INSRR: variants seen among roughly 807,000 people sequenced by gnomAD.
INSRR encodes insulin receptor related receptor.
In INSRR, 114 loss-of-function variants were observed where a neutral mutation model predicts 130.0. The ratio of observed to expected loss-of-function variants is 0.88; its 90% CI spans 0.75 to 1.02. INSRR has a LOEUF of 1.02. Among genes scored for constraint, INSRR ranks in the 50% least tolerant of loss-of-function variants. The probability of loss-of-function intolerance (pLI) is 0.00; values close to 1 mark genes in which losing one functional copy is unlikely to be tolerated. For synonymous variants in INSRR, 674 were observed against 705.2 expected (o/e 0.96, Z 0.70); for missense variants, 1,657 against 1,735.2 (o/e 0.95, Z 0.80).
In INSRR at chr1:156,844,948, G is replaced by A. The variant is rs371342485; in HGVS notation, c.2438-105C>T. The A allele has an allele frequency of 6.4e-6, 10 of 1,563,508 alleles. No homozygotes were observed. In the East Asian group the frequency reaches 1.8e-4, roughly 28 times the overall value. On this transcript the variant is annotated intron_variant, in intron 12 of 21. Transcript: ENST00000368195. Reference sequence around the variant, plus strand: ...AGCTGGGAGGTGGGGAAAGCTTTGGGATTATGGGAACTGAGAGGGGCAAGC... The same window carrying A: ...AGCTGGGAGGTGGGGAAAGCTTTGGAATTATGGGAACTGAGAGGGGCAAGC...
At position 156,852,081 on chromosome 1, in the gene INSRR, G is replaced by T; in HGVS notation, c.748C>A (p.Arg250Ser). The T allele has an allele frequency of 1.2e-6, 2 of 1,613,686 alleles. No homozygotes were observed. Among genetic ancestry groups the T allele is most frequent in the Non-Finnish European group, 8.5e-7 (1 of 1,179,990 alleles). Residue 250 changes from arginine (R) to serine (S), a missense_variant, in exon 3 of 22, where the codon CGC (arginine) becomes AGC (serine). Transcript: ENST00000368195. ...CAGGCACCCTGGAAGTAGAGGTGGC[G>T]GCAAGCTACACAGGCACGAGGGTCT... ...PEDPRACVAC[R>S]HLYFQGACLW...
chr1:156,858,419 C>G, intron 1 of INSRR, 118 bp downstream of exon 1: 1 of 782,712 alleles, frequency 1.3e-6, no homozygotes, highest in Non-Finnish European at 2.3e-6. Flanking sequence ...GCGCTAACCC[C>G]AACCCCCATG....
rs1654833976 is a variant in INSRR at position 156,842,409 on chromosome 1, G to T, written c.3226C>A (p.Pro1076Thr). Residue 1076 changes from proline (P) to threonine (T), a missense_variant, in exon 18 of 22, where the codon CCT becomes ACT. Coordinates refer to ENST00000368195, the MANE Select transcript of INSRR (RefSeq NM_014215.3). ...TTCCTGGTCCCTACCTCTGCCTCAG[G>T]CCGCAAAGATCGAAGATGGCTCTTG... ...DLKSHLRSLRPEAENNPGLPQ... is the reference protein window; with the variant it reads ...DLKSHLRSLRTEAENNPGLPQ... 3 of 1,613,824 alleles carry T rather than the reference G, an allele frequency of 1.9e-6. No individual in the cohort carries two copies. Among genetic ancestry groups the T allele is most frequent in the Non-Finnish European group, 8.5e-7 (1 of 1,179,908 alleles).
At chr1:156,841,154 GCT>G in intron 21 of INSRR, 50 bp from the exon 22 acceptor site, 1 of 1,381,916 alleles carries the variant, frequency 7.2e-7, no homozygotes, top group Non-Finnish European at 1.0e-6. Context: ...CCCCTGCCAC[GCT>G]CTCAGCCTCC....
At chr1:156,844,678 G>A in intron 13 of INSRR, 29 bp downstream of exon 13, 1 of 1,614,038 alleles carries the variant, frequency 6.2e-7, no homozygotes, top group Non-Finnish European at 8.5e-7. Context: ...ACAAAACGGG[G>A]CTGGGACGGG....
intron 1 of INSRR, among the ~76,000 whole-genome samples, chr1:156,855,636 A>AAC (rs1465567188): frequency 6.6e-6 from 1 of 152,140 alleles, no homozygotes; most frequent in Admixed American, 6.5e-5. Context: ...CAGCCTGGGC[A>AAC]ACATGGCAAA....
At chr1:156,845,013 AC>A (rs1417450798) in intron 12 of INSRR, 62 bp downstream of exon 12, 1 of 1,547,724 alleles carries the variant, frequency 6.5e-7, no homozygotes, top group Non-Finnish European at 8.8e-7. Flanking sequence ...CAAACCCCAA[AC>A]CTTTGCACAG....
At position 156,848,972 on chromosome 1, in the gene INSRR, TC is replaced by T; in HGVS notation, c.1519del (p.Glu507SerfsTer46). 1 of 1,607,478 alleles carries T rather than the reference TC, an allele frequency of 6.2e-7. No individual in the cohort carries two copies. The highest frequency in any genetic ancestry group is 1.7e-4 in the Middle Eastern group (1 of 6,058). ...GAGCAGGTCGCGGGCCTCCAGTGGC[TC>T]ATAGCGCTCCCAGCGTAGCAGGATG... ...DRILLRWERY[E>X]PLEARDLLSF... On this transcript the variant is annotated frameshift_variant, in exon 7 of 22. Transcript: ENST00000368195. LOFTEE classifies it high-confidence loss of function.
Position 156,845,242 on chromosome 1 carries a change from G to A in INSRR, c.2271C>T (p.Ser757=), listed in dbSNP as rs1254128970. ...TGTCCTCCTGGATCTCGAAATCCGA[G>A]CTGTTGCCCCCCAGCCGGAGGGGCC... ...AAGPLRLGGN[S]SDFEIQEDKV... is the part of the protein sequence containing the mutation. The change falls in exon 12 of 22, where the codon AGC becomes AGT. Residue 757 remains serine, a synonymous_variant. Coordinates refer to ENST00000368195, the MANE Select transcript of INSRR (RefSeq NM_014215.3). 25 of 1,610,854 alleles carry A rather than the reference G, an allele frequency of 1.6e-5. 1 individual carries two copies. The highest frequency in any genetic ancestry group is 2.1e-5 in the Non-Finnish European group (25 of 1,178,788).
intron 1 of INSRR, among the ~76,000 whole-genome samples, 192 bp downstream of exon 1, chr1:156,858,345 A>G (rs1486860088): frequency 3.3e-5 from 5 of 152,028 alleles, no homozygotes; most frequent in African/African-American, 1.2e-4. Context: ...TCTCTGAGGG[A>G]GCTGAGGGAA....
At position 156,846,651 on chromosome 1, in the gene INSRR, C is replaced by T; in HGVS notation, c.1678G>A (p.Val560Met). ...CAAGGCTTGAGGGAGGCTAGGGTCA[C>T]CCCTGGCTCCTGGGTGCGGCTTAGG... ...LPLSRTQEPGVTLASLKPWTQ... is the reference protein window; with the variant it reads ...LPLSRTQEPGMTLASLKPWTQ... The change falls in exon 8 of 22, where the codon GTG becomes ATG. Residue 560 changes from valine to methionine, a missense_variant. Transcript: ENST00000368195. 6.2e-7 allele frequency: 1 copy of T among 1,614,188 alleles called. No homozygotes were observed. Among genetic ancestry groups the T allele is most frequent in the Non-Finnish European group, 8.5e-7 (1 of 1,180,028 alleles).
In INSRR at chr1:156,840,197, A is replaced by G. The variant is rs1654720700; in HGVS notation, c.*676T>C. Reference sequence around the variant, plus strand: ...AAGCCTTAAGCATCCAGGGCTAATCATTGAGGGGAGGGACTGAAGAAAGGG... The same window carrying G: ...AAGCCTTAAGCATCCAGGGCTAATCGTTGAGGGGAGGGACTGAAGAAAGGG... On this transcript the variant is annotated 3_prime_UTR_variant, in exon 22 of 22. Coordinates refer to ENST00000368195, the MANE Select transcript of INSRR (RefSeq NM_014215.3). 6.5e-6 allele frequency: 1 copy of G among 153,112 alleles called. No individual in the cohort carries two copies. Among genetic ancestry groups the G allele is most frequent in the East Asian group, 1.9e-4 (1 of 5,166 alleles). The allele number at this position is 153,112 out of a possible 1,614,324, so 9.5% of individuals were successfully genotyped here.
At chr1:156,855,044 AG>A in intron 1 of INSRR, among the ~76,000 whole-genome samples, 1 of 152,204 alleles carries the variant, frequency 6.6e-6, no homozygotes, top group Non-Finnish European at 1.5e-5. Context: ...AAGCCAGCAA[AG>A]CTTCTGCCTT....
In INSRR at chr1:156,853,748, C is replaced by G; in HGVS notation, c.637+4G>C. ...CTACATTCATGTTCTGTGCCAGTGC[C>G]CACCTCTCTGGCAGTGGCTGGAGGT... On this transcript the variant is annotated splice_donor_region_variant and intron_variant, in intron 2 of 21. Coordinates refer to ENST00000368195, the MANE Select transcript of INSRR (RefSeq NM_014215.3). 6.3e-7 allele frequency: 1 copy of G among 1,593,432 alleles called. No individual in the cohort carries two copies. The highest frequency in any genetic ancestry group is 8.6e-7 in the Non-Finnish European group (1 of 1,164,890).
Position 156,849,364 on chromosome 1 carries a change from G to A in INSRR, c.1326C>T (p.Phe442=), listed in dbSNP as rs935821318. Residue 442 remains phenylalanine, a synonymous_variant, in exon 6 of 22, where the codon TTC becomes TTT. Transcript: ENST00000368195. The part of the protein sequence containing the change: ...GLTIPVGKIY[F]AFNPRLCLEH... ...CCAAGCAGAGGCGCGGGTTGAAGGC[G>A]AAGTAGATCTTGCCCACGGGAATGG... is the stretch of plus-strand genomic sequence containing the variant. 8 of 1,613,934 alleles carry A rather than the reference G, an allele frequency of 5.0e-6. No individual in the cohort carries two copies. Among genetic ancestry groups the A allele is most frequent in the Non-Finnish European group, 6.8e-6 (8 of 1,179,998 alleles).
rs750445285 is a variant in INSRR at position 156,853,899 on chromosome 1, C to T, written c.490G>A (p.Ala164Thr). 34 of 1,614,026 alleles carry T rather than the reference C, an allele frequency of 2.1e-5. No individual in the cohort carries two copies. Among genetic ancestry groups the T allele is most frequent in the South Asian group, 5.5e-5 (5 of 91,080 alleles). The change falls in exon 2 of 22, where the codon GCC (alanine) becomes ACC (threonine). Residue 164 changes from alanine (A) to threonine (T), a missense_variant. Coordinates refer to ENST00000368195, the MANE Select transcript of INSRR (RefSeq NM_014215.3). ...AGCTTGTTGCCCACGATGTGGTTGG[C>T]GCCAGGTGCTGGCTGCAGCAGTCCC... is the stretch of plus-strand genomic sequence containing the variant. Reference protein sequence around the residue: ...DWGLLQPAPGANHIVGNKLGE... With the variant: ...DWGLLQPAPGTNHIVGNKLGE...
At chr1:156,841,272 G>T (rs987093726) in intron 21 of INSRR, 122 bp downstream of exon 21, 5 of 1,064,300 alleles carry the variant, frequency 4.7e-6, no homozygotes, top group Non-Finnish European at 7.2e-6. Context: ...GGGGGGTGGC[G>T]CTCATAGCTG....
chr1:156,854,725 G>A lies in INSRR; in HGVS notation c.86-422C>T, dbSNP rs188809241. On this transcript the variant is annotated intron_variant, in intron 1 of 21. Transcript: ENST00000368195. This position sits in a 1 kb window ranked among gnomAD's most constrained non-coding sequence, Gnocchi z 4.2. ...TGAACTGCTTGTCAACACCTTCACAGCTTCCACCATCATCTTCCCCTGGAT... is the reference window on the plus strand; with the variant it reads ...TGAACTGCTTGTCAACACCTTCACAACTTCCACCATCATCTTCCCCTGGAT... 3.9e-5 allele frequency among the ~76,000 whole-genome samples: 6 copies of A among 152,144 alleles called. No homozygotes were observed. Among genetic ancestry groups the A allele is most frequent in the African/African-American group, 1.4e-4 (6 of 41,490 alleles).
Position 156,842,092 on chromosome 1 carries a change from C to A in INSRR, c.3397+20G>T. On this transcript the variant is annotated intron_variant, in intron 19 of 21. Coordinates refer to ENST00000368195, the MANE Select transcript of INSRR (RefSeq NM_014215.3). Reference sequence around the variant, plus strand: ...TCTCTACTTTTCAGGCCGCCCTCATCTGCCTGGCACCCTCTGTACCCCCGA... The same window carrying A: ...TCTCTACTTTTCAGGCCGCCCTCATATGCCTGGCACCCTCTGTACCCCCGA... 6.2e-7 allele frequency: 1 copy of A among 1,613,788 alleles called. No individual in the cohort carries two copies. The highest frequency in any genetic ancestry group is 8.5e-7 in the Non-Finnish European group (1 of 1,179,900).
Sources: allele counts gnomAD v4.1 joint callset (sites outside exome capture counted in the v4.1 genomes callset), GRCh38; gene constraint gnomAD v4.1.1; non-coding constraint Gnocchi (gnomAD v3.1); transcripts MANE v1.5; gene names NCBI Gene and HGNC (gene_info 2026-07-23, HGNC 2026-07-21).